PNOC: variants seen among roughly 807,000 people sequenced by gnomAD.
PNOC encodes the protein nociceptin.
A neutral mutation model predicts 15.6 loss-of-function variants in PNOC; 10 were observed. That is an observed-to-expected ratio of 0.64 (90% CI 0.40 to 1.09). The LOEUF is 1.09. Among genes scored for constraint, PNOC ranks in the 50% least tolerant of loss-of-function variants. PNOC has a pLI of 0.01. For synonymous variants in PNOC, 98 were observed against 88.5 expected (o/e 1.11, Z -0.60); for missense variants, 220 against 223.9 (o/e 0.98, Z 0.11).
intron 2 of PNOC, among the ~76,000 whole-genome samples, chr8:28,332,268 A>G (rs1278542529): frequency 2.0e-5 from 3 of 152,144 alleles, no homozygotes; most frequent in African/African-American, 7.2e-5. Flanking sequence ...ACTCAAATCC[A>G]TTTCCAAATC....
chr8:28,319,690 C>A (rs1010151786), intron 1 of PNOC, among the ~76,000 whole-genome samples: 1 of 152,160 alleles, frequency 6.6e-6, no homozygotes, highest in African/African-American at 2.4e-5. Flanking sequence ...TCAGTGATCC[C>A]TCATTTCTCC....
rs1801278698 is a variant in PNOC, at chr8:28,329,100, G to T, written c.-23-35G>T. ...GGCCCTGAGCAGCCCTCCGAGAATG[G>T]CTGTACTCATTGCCATGCTTCCTGT... On this transcript the variant is annotated intron_variant, in intron 1 of 3. Coordinates refer to ENST00000301908, the MANE Select transcript of PNOC (RefSeq NM_006228.5). The T allele has an allele frequency of 1.9e-6, 3 of 1,606,310 alleles. No homozygotes were observed. In the Admixed American group the frequency reaches 5.0e-5, roughly 27 times the overall value.
intron 1 of PNOC, among the ~76,000 whole-genome samples, chr8:28,320,084 C>CT (rs1801122254): frequency 2.7e-5 from 1 of 37,206 alleles, no homozygotes; most frequent in Non-Finnish European, 5.6e-5. Context: ...TTCTTTCTTT[C>CT]TTTCTTTCTT....
chr8:28,338,895 C>T, intron 2 of PNOC, 145 bp from the exon 3 acceptor site: 2 of 1,043,730 alleles, frequency 1.9e-6, no homozygotes, highest in Admixed American at 2.7e-5. Context: ...GAACCTAAAA[C>T]CTGTGTAAAA....
At chr8:28,330,391 A>AT (rs200641227) in intron 2 of PNOC, among the ~76,000 whole-genome samples, 15,903 of 73,834 alleles carry the variant, frequency 0.22, 1,886 homozygotes, top group Non-Finnish European at 0.3. Flanking sequence ...ATTTTATTTT[A>AT]TTTTATTTTT....
At chr8:28,340,794 A>G (rs1801504602) in intron 3 of PNOC, among the ~76,000 whole-genome samples, 2 of 152,070 alleles carry the variant, frequency 1.3e-5, no homozygotes, top group African/African-American at 2.4e-5. Flanking sequence ...CAAGAGGGGG[A>G]AAAGGGGAGG....
At chr8:28,338,213 C>G (rs1275940787) in intron 2 of PNOC, among the ~76,000 whole-genome samples, 2 of 152,084 alleles carry the variant, frequency 1.3e-5, no homozygotes, top group Non-Finnish European at 2.9e-5. Flanking sequence ...GCAGAGGCTT[C>G]CAGGAGACCC....
intron 2 of PNOC, among the ~76,000 whole-genome samples, chr8:28,333,354 T>C (rs931196436): frequency 6.6e-6 from 1 of 152,248 alleles, no homozygotes; most frequent in Admixed American, 6.5e-5. Flanking sequence ...AGACTCCAGA[T>C]GCCCATACGC....
At chr8:28,325,526 A>T (rs981491683) in intron 1 of PNOC, among the ~76,000 whole-genome samples, 5 of 151,626 alleles carry the variant, frequency 3.3e-5, no homozygotes. Flanking sequence ...GGTGGTGTGC[A>T]CCTGTAATCT....
chr8:28,320,820 C>T (rs1401999685), intron 1 of PNOC, among the ~76,000 whole-genome samples: 4 of 148,832 alleles, frequency 2.7e-5, no homozygotes, highest in Non-Finnish European at 5.9e-5. Context: ...CACTGCACTC[C>T]TGCCTGGGTG....
At chr8:28,333,942 C>T (rs1801370357) in intron 2 of PNOC, among the ~76,000 whole-genome samples, 2 of 152,150 alleles carry the variant, frequency 1.3e-5, no homozygotes, top group Non-Finnish European at 2.9e-5. Context: ...AGCAGAGTTT[C>T]TCAAACTTGC....
intron 2 of PNOC, among the ~76,000 whole-genome samples, chr8:28,329,858 A>G (rs1392799461): frequency 6.6e-6 from 1 of 152,234 alleles, no homozygotes; most frequent in Non-Finnish European, 1.5e-5. Flanking sequence ...AATAGCATTT[A>G]CATTATATTA....
intron 1 of PNOC, among the ~76,000 whole-genome samples, chr8:28,326,715 C>A (rs1801231082): frequency 1.3e-5 from 2 of 152,236 alleles, no homozygotes; most frequent in South Asian, 4.1e-4. Context: ...CAAAAATTAG[C>A]CAGGTGTTGT....
rs1220507728 is a variant in PNOC at position 28,339,119 on chromosome 8, C to G, written c.206C>G (p.Ser69Cys). 9.3e-6 allele frequency: 15 copies of G among 1,611,770 alleles called. No homozygotes were observed. The highest frequency in any genetic ancestry group is 1.2e-5 in the Non-Finnish European group (14 of 1,177,982). ...TGCACCAAGGTCATGGCCAGGAGCT[C>G]TTGGCAGCTCAGCCCTGCCGCCCCA... ...TPCTKVMARS[S>C]WQLSPAAPEH... The change falls in exon 3 of 4, where the codon TCT becomes TGT. Residue 69 changes from serine to cysteine, a missense_variant. Transcript: ENST00000301908.
chr8:28,337,740 G>A (rs1428482513), intron 2 of PNOC, among the ~76,000 whole-genome samples: 2 of 145,876 alleles, frequency 1.4e-5, no homozygotes, highest in African/African-American at 2.5e-5. Context: ...CCGCCACCAC[G>A]CCCAGCTAAT....
chr8:28,320,545 A>C (rs1283306030), intron 1 of PNOC, among the ~76,000 whole-genome samples: 1 of 152,142 alleles, frequency 6.6e-6, no homozygotes, highest in Non-Finnish European at 1.5e-5. Flanking sequence ...ATCGACTGCT[A>C]GGGGTACAAA....
chr8:28,334,402 T>C (rs1324143545), intron 2 of PNOC, among the ~76,000 whole-genome samples: 1 of 152,194 alleles, frequency 6.6e-6, no homozygotes, highest in African/African-American at 2.4e-5. Context: ...CCTGAGCTAT[T>C]GCTAAAAATA....
intron 1 of PNOC, among the ~76,000 whole-genome samples, chr8:28,319,520 T>G (rs908566567): frequency 2.0e-5 from 3 of 152,124 alleles, no homozygotes; most frequent in Admixed American, 6.5e-5. Flanking sequence ...ACACATAAAA[T>G]GAGGGCAAAG....
At chr8:28,337,893 C>A (rs2129901186) in intron 2 of PNOC, among the ~76,000 whole-genome samples, 1 of 152,248 alleles carries the variant, frequency 6.6e-6, no homozygotes, top group South Asian at 2.1e-4. Flanking sequence ...ACCCGGCCTA[C>A]ACTTCCATTT....
Sources: allele counts gnomAD v4.1 joint callset (sites outside exome capture counted in the v4.1 genomes callset), GRCh38; gene constraint gnomAD v4.1.1; transcripts MANE v1.5; gene names NCBI Gene and HGNC (gene_info 2026-07-23, HGNC 2026-07-21).